The following ENPP1 variants were observed in gnomAD, a reference collection of about 807,000 sequenced individuals.
ENPP1 encodes ectonucleotide pyrophosphatase/phosphodiesterase 1.
Under a neutral mutation model 122.8 loss-of-function variants are expected in ENPP1, and 73 were observed. That is an observed-to-expected ratio of 0.59 (90% confidence interval 0.49 to 0.72). ENPP1 has a LOEUF of 0.72. ENPP1 is among the 30% of genes least tolerant of loss of function. The probability of loss-of-function intolerance (pLI) is 0.00; values close to 1 mark genes in which losing one functional copy is unlikely to be tolerated. For missense variants in ENPP1, 978 were observed against 1,128.1 expected (o/e 0.87, Z 1.91); for synonymous variants, 367 against 391.6 (o/e 0.94, Z 0.74).
intron 1 of ENPP1, among the ~76,000 whole-genome samples, chr6:131,845,701 C>A: frequency 6.6e-6 from 1 of 151,896 alleles, no homozygotes; most frequent in Admixed American, 6.6e-5. Flanking sequence ...TGAAGTGATC[C>A]CCCCACCTCA....
intron 1 of ENPP1, among the ~76,000 whole-genome samples, chr6:131,823,740 C>T (rs1445341300): frequency 6.6e-6 from 1 of 151,812 alleles, no homozygotes; most frequent in Non-Finnish European, 1.5e-5. Flanking sequence ...CCTGTTGAGG[C>T]CATAGAGCTT....
chr6:131,833,670 G>T (rs1188106968), intron 1 of ENPP1, among the ~76,000 whole-genome samples: 1 of 152,064 alleles, frequency 6.6e-6, no homozygotes, highest in South Asian at 2.1e-4. Context: ...TTGTTATCAG[G>T]AAAGAGAGAG....
intron 20 of ENPP1, among the ~76,000 whole-genome samples, chr6:131,880,757 A>C (rs1462553910): frequency 2.0e-5 from 3 of 151,018 alleles, no homozygotes; most frequent in African/African-American, 7.3e-5. Context: ...GGGGGCCCTC[A>C]CTGTTTGGCA....
chr6:131,823,357 C>A (rs1781505098), intron 1 of ENPP1, among the ~76,000 whole-genome samples: 1 of 152,020 alleles, frequency 6.6e-6, no homozygotes, highest in South Asian at 2.1e-4. Flanking sequence ...ATAGTACATG[C>A]AATATTATGT....
intron 4 of ENPP1, 118 bp downstream of exon 4, chr6:131,851,385 A>T: frequency 7.7e-7 from 1 of 1,300,430 alleles, no homozygotes; most frequent in Non-Finnish European, 1.1e-6. Flanking sequence ...ATATTAGCTG[A>T]AAAAAATAAT....
rs1782169879 is a variant in ENPP1 at position 131,872,121 on chromosome 6, A to G, written c.1437+20A>G. 2 of 1,524,356 alleles carry G rather than the reference A, an allele frequency of 1.3e-6. No homozygotes were observed. Among genetic ancestry groups the G allele is most frequent in the Non-Finnish European group, 1.8e-6 (2 of 1,103,156 alleles). The allele number at this position is 1,524,356 out of a possible 1,614,324, so 94.4% of individuals were successfully genotyped here. ...CTTTCTGTGAGTATCTTTATTTTCC[A>G]TTATCTAGTTATTTTTACTTTTGTA... On this transcript the variant is annotated intron_variant, in intron 14 of 24. Coordinates refer to ENST00000647893, the MANE Select transcript of ENPP1 (RefSeq NM_006208.3).
intron 8 of ENPP1, among the ~76,000 whole-genome samples, chr6:131,861,371 G>A (rs897876279): frequency 1.3e-5 from 2 of 152,078 alleles, no homozygotes; most frequent in African/African-American, 4.8e-5. Context: ...TGTTAATTAG[G>A]GGAATAGCTC....
At position 131,852,201 on chromosome 6, in the gene ENPP1, T is replaced by C. The variant is rs763457176; in HGVS notation, c.583T>C (p.Cys195Arg). The change falls in exon 5 of 25, where the codon TGT (cysteine) becomes CGT (arginine). Residue 195 changes from cysteine (C) to arginine (R), a missense_variant. Cys to Arg is a radical substitution (Grantham distance 180). Transcript: ENST00000647893. The part of the protein sequence containing the change: ...QGEKSWVEEP[C>R]ESINEPQCPA... ...TGAGAAAAGTTGGGTAGAAGAACCA[T>C]GTGAGAGCATTAATGAGCCACAGTG... 16 of 1,607,536 alleles carry C rather than the reference T, an allele frequency of 1.0e-5. No individual in the cohort carries two copies. The highest frequency in any genetic ancestry group is 2.2e-5 in the East Asian group (1 of 44,764).
intron 11 of ENPP1, among the ~76,000 whole-genome samples, chr6:131,867,505 C>T (rs1782105830): frequency 6.6e-6 from 1 of 152,072 alleles, no homozygotes; most frequent in Non-Finnish European, 1.5e-5. Context: ...TTATAAGAAG[C>T]ATTTCATGAA....
chr6:131,885,070 A>G lies in ENPP1; in HGVS notation c.2444+7A>G, dbSNP rs1782359861. 1 of 1,613,822 alleles carries G rather than the reference A, an allele frequency of 6.2e-7. No individual in the cohort carries two copies. The highest frequency in any genetic ancestry group is 8.5e-7 in the Non-Finnish European group (1 of 1,179,754). The stretch of plus-strand genomic sequence containing the variant: ...CCTTAGAGAATCTGAGGCAGTAAGA[A>G]CATATTTCATTACTCTTAAAAATAG... On this transcript the variant is annotated splice_region_variant and intron_variant, in intron 23 of 24. Transcript: ENST00000647893.
intron 12 of ENPP1, 118 bp from the exon 13 acceptor site, chr6:131,869,240 T>G: frequency 1.1e-6 from 1 of 902,562 alleles, no homozygotes; most frequent in Non-Finnish European, 1.8e-6. Context: ...CTTCAACTAA[T>G]ATGAGTGCTA....
intron 5 of ENPP1, among the ~76,000 whole-genome samples, chr6:131,852,563 T>C (rs1781895635): frequency 6.6e-6 from 1 of 152,218 alleles, no homozygotes; most frequent in Admixed American, 6.5e-5. Flanking sequence ...AGATTTGGGA[T>C]GCCCAACCTG....
intron 1 of ENPP1, among the ~76,000 whole-genome samples, chr6:131,839,766 TC>T (rs1781718275): frequency 6.6e-6 from 1 of 152,202 alleles, no homozygotes; most frequent in Admixed American, 6.5e-5. Context: ...GTGTCATTTT[TC>T]CATGTCAATT....
intron 1 of ENPP1, among the ~76,000 whole-genome samples, chr6:131,811,603 C>T (rs368375407): frequency 1.3e-5 from 2 of 152,018 alleles, no homozygotes; most frequent in Non-Finnish European, 1.5e-5. Flanking sequence ...GTTACAATAA[C>T]GAGCTATTGG....
At chr6:131,857,515 T>C (rs1398945787) in intron 6 of ENPP1, among the ~76,000 whole-genome samples, 6 of 149,612 alleles carry the variant, frequency 4.0e-5, no homozygotes, top group East Asian at 3.9e-4. Flanking sequence ...ATGGATGAAA[T>C]TGGAAATCAT....
At chr6:131,878,462 A>C in intron 18 of ENPP1, 80 bp from the exon 19 acceptor site, 2 of 842,984 alleles carry the variant, frequency 2.4e-6, no homozygotes, top group Non-Finnish European at 4.0e-6. Context: ...TGTTGGAATA[A>C]TCAATCTATA....
At chr6:131,876,959 T>G (rs1782236791) in intron 17 of ENPP1, 33 bp from the exon 18 acceptor site, 1 of 1,606,032 alleles carries the variant, frequency 6.2e-7, no homozygotes, top group Non-Finnish European at 8.5e-7. Flanking sequence ...ATTTGAAACA[T>G]CTAAGTAACT....
chr6:131,882,989 A>G (rs1348378099), intron 21 of ENPP1, among the ~76,000 whole-genome samples: 1 of 152,218 alleles, frequency 6.6e-6, no homozygotes, highest in African/African-American at 2.4e-5. Context: ...AGAAGTAGGT[A>G]AAGGTAGAGG....
Position 131,879,954 on chromosome 6 carries a change from C to A in ENPP1, c.2020C>A (p.Leu674Ile), listed in dbSNP as rs1782280270. 1 of 1,613,664 alleles carries A rather than the reference C, an allele frequency of 6.2e-7. No individual in the cohort carries two copies. Among genetic ancestry groups the A allele is most frequent in the African/African-American group, 1.3e-5 (1 of 74,918 alleles). Residue 674 changes from leucine to isoleucine, a missense_variant, in exon 20 of 25, where the codon CTT (leucine) becomes ATT (isoleucine). Coordinates refer to ENST00000647893, the MANE Select transcript of ENPP1 (RefSeq NM_006208.3). ...VLQKENTICL[L>I]SQHQFMSGYS... ...CCAGAAGGAAAACACCATCTGTCTT[C>A]TTTCCCAGCACCAGTTTATGAGTGG...
Sources: gnomAD v4.1 joint callset for allele counts (sites outside exome capture counted in the v4.1 genomes callset) on GRCh38, gnomAD v4.1.1 for gene constraint, MANE v1.5 for transcripts, NCBI Gene and HGNC (gene_info 2026-07-23, HGNC 2026-07-21) for gene names.